EPB41L1: variants seen among roughly 807,000 people sequenced by gnomAD.
EPB41L1 encodes band 4.1-like protein 1.
A neutral mutation model predicts 97.8 loss-of-function variants in EPB41L1; 29 were observed. The ratio of observed to expected loss-of-function variants is 0.30; its 90% CI spans 0.22 to 0.40. The LOEUF is 0.40. Among genes scored for constraint, EPB41L1 ranks in the 10% least tolerant of loss-of-function variants. The probability of loss-of-function intolerance (pLI) is 1.00; values close to 1 mark genes in which losing one functional copy is unlikely to be tolerated. For missense variants in EPB41L1, 812 were observed against 1,162.3 expected (o/e 0.70, Z 4.38); for synonymous variants, 383 against 459.2 (o/e 0.83, Z 2.12).
chr20:36,180,091 C>G (rs1034388045), intron 5 of EPB41L1, among the ~76,000 whole-genome samples: 2 of 152,168 alleles, frequency 1.3e-5, no homozygotes, highest in Admixed American at 6.5e-5. Context: ...CCAGCACAGC[C>G]CAGGCCTGGT....
chr20:36,218,780 C>A, intron 17 of EPB41L1, 96 bp from the exon 18 acceptor site: 2 of 1,090,238 alleles, frequency 1.8e-6, no homozygotes, highest in South Asian at 1.3e-5. Context: ...TTCTACTCAA[C>A]CTTGTGGTCG....
intron 12 of EPB41L1, among the ~76,000 whole-genome samples, chr20:36,194,865 A>G (rs2062118077): frequency 6.6e-6 from 1 of 152,056 alleles, no homozygotes; most frequent in Admixed American, 6.5e-5. Flanking sequence ...CTCACTTAAT[A>G]ACAGATGTAT....
intron 17 of EPB41L1, among the ~76,000 whole-genome samples, chr20:36,215,238 C>T (rs540047692): frequency 6.6e-6 from 1 of 151,948 alleles, no homozygotes; most frequent in Admixed American, 6.6e-5. Flanking sequence ...AAGCGACTTA[C>T]CCAAGGTCAC....
Position 36,143,934 on chromosome 20 carries a change from C to T in EPB41L1, c.-10+31454C>T, listed in dbSNP as rs768042757. On this transcript the variant is annotated intron_variant, in intron 2 of 19. Transcript: ENST00000202028. The stretch of plus-strand genomic sequence containing the variant: ...GTGGCGCGATTTTGGCTCACTGCAA[C>T]CTCTGCCTCCCGGGTTCAAGTGATT... Among the ~76,000 whole-genome samples, 59 of 151,834 alleles carry T rather than the reference C, an allele frequency of 3.9e-4. 1 individual carries two copies. The highest frequency in any genetic ancestry group is 2.7e-3 in the South Asian group (13 of 4,806).
chr20:36,210,320 G>A (rs904889732), intron 15 of EPB41L1, among the ~76,000 whole-genome samples: 6 of 152,080 alleles, frequency 3.9e-5, no homozygotes, highest in African/African-American at 1.4e-4. Flanking sequence ...CGGGGAAGGG[G>A]AAGCAGTTTA....
chr20:36,109,488 C>T (rs1021260398), intron 1 of EPB41L1, among the ~76,000 whole-genome samples: 5 of 152,212 alleles, frequency 3.3e-5, no homozygotes, highest in African/African-American at 1.2e-4. Flanking sequence ...ATTGCTACTA[C>T]TGTTAGTGCG....
chr20:36,139,051 C>A (rs75653149), intron 2 of EPB41L1, among the ~76,000 whole-genome samples: 6,299 of 152,318 alleles, frequency 0.041, 189 homozygotes, highest in Non-Finnish European at 0.071. Flanking sequence ...CTGCCTGTCT[C>A]CCAGTGACTG....
chr20:36,160,345 A>G (rs562843189), intron 1 of EPB41L1, among the ~76,000 whole-genome samples: 40 of 152,356 alleles, frequency 2.6e-4, no homozygotes, highest in Admixed American at 2.5e-3. Context: ...GCACTCTGGG[A>G]GGCTGAGGCG....
intron 2 of EPB41L1, among the ~76,000 whole-genome samples, chr20:36,140,204 G>A (rs190695169): frequency 3.3e-5 from 5 of 150,742 alleles, no homozygotes; most frequent in African/African-American, 4.9e-5. Flanking sequence ...ACAGGTGCGC[G>A]CCACCACACC....
At chr20:36,211,071 T>A (rs2063102852) in intron 15 of EPB41L1, among the ~76,000 whole-genome samples, 1 of 151,932 alleles carries the variant, frequency 6.6e-6, no homozygotes, top group South Asian at 2.1e-4. Flanking sequence ...AGACCTTGTC[T>A]CTTAAAAACA....
At chr20:36,134,052 A>G (rs898063766) in intron 2 of EPB41L1, among the ~76,000 whole-genome samples, 4 of 152,144 alleles carry the variant, frequency 2.6e-5, no homozygotes, top group African/African-American at 9.7e-5. Flanking sequence ...ACTGTAGCCT[A>G]TGCTCTTAGC....
At chr20:36,124,451 A>G (rs1316276009) in intron 2 of EPB41L1, among the ~76,000 whole-genome samples, 2 of 152,076 alleles carry the variant, frequency 1.3e-5, no homozygotes, top group African/African-American at 4.8e-5. Flanking sequence ...AAATTATTCT[A>G]TTGGTCATTT....
At position 36,190,756 on chromosome 20, in the gene EPB41L1, C is replaced by T; in HGVS notation, c.1259C>T (p.Ser420Phe). The T allele has an allele frequency of 1.2e-6, 2 of 1,614,190 alleles. No individual in the cohort carries two copies. Among genetic ancestry groups the T allele is most frequent in the Non-Finnish European group, 1.7e-6 (2 of 1,180,034 alleles). Reference sequence around the variant, plus strand: ...CGGCCTGCACCCTTCTTTGAGCGTTCTTCCAGCAAACGGTACACCATGTCC... The same window carrying T: ...CGGCCTGCACCCTTCTTTGAGCGTTTTTCCAGCAAACGGTACACCATGTCC... ...IDRPAPFFER[S>F]SSKRYTMSRS... The change falls in exon 11 of 22, where the codon TCT becomes TTT. Residue 420 changes from serine to phenylalanine, a missense_variant. Ser to Phe is a radical substitution (Grantham distance 155). Transcript: ENST00000338074. This position sits in a 1 kb window ranked among gnomAD's most constrained non-coding sequence, Gnocchi z 5.8.
At chr20:36,174,268 C>CT (rs529351350) in intron 2 of EPB41L1, among the ~76,000 whole-genome samples, 112 of 143,624 alleles carry the variant, frequency 7.8e-4, no homozygotes, top group African/African-American at 1.6e-3. Context: ...TTTTAACTTT[C>CT]TTTTTTTTTT....
intron 21 of EPB41L1, among the ~76,000 whole-genome samples, chr20:36,226,188 A>G (rs1476271275): frequency 6.6e-6 from 1 of 152,198 alleles, no homozygotes; most frequent in East Asian, 1.9e-4. Flanking sequence ...CATTGGCTTA[A>G]TGGATGGATG....
In EPB41L1 at chr20:36,232,563, C is replaced by T. The variant is rs2064536854; in HGVS notation, c.*3223C>T. ...GACCTGTTTCAGTTTTTGAATCCTGCAAGCACATTCCAAGACTGGCCTGAA... is the reference window on the plus strand; with the variant it reads ...GACCTGTTTCAGTTTTTGAATCCTGTAAGCACATTCCAAGACTGGCCTGAA... On this transcript the variant is annotated 3_prime_UTR_variant, in exon 22 of 22. Transcript: ENST00000338074. The T allele has an allele frequency of 2.5e-6, 1 of 399,030 alleles. No homozygotes were observed. Among genetic ancestry groups the T allele is most frequent in the African/African-American group, 2.1e-5 (1 of 48,746 alleles). The allele number at this position is 399,030 out of a possible 1,614,324, so 24.7% of individuals were successfully genotyped here. A position where few individuals can be genotyped will look rare whatever the true frequency, so the allele number is the denominator to read the frequency against.
chr20:36,175,807 C>A, intron 3 of EPB41L1, 92 bp downstream of exon 3: 2 of 1,366,630 alleles, frequency 1.5e-6, no homozygotes, highest in Non-Finnish European at 2.1e-6. Flanking sequence ...TTGGGCCAAA[C>A]CAGAGGAGTC....
chr20:36,108,153 T>C (rs955726204), intron 1 of EPB41L1, among the ~76,000 whole-genome samples: 5 of 151,800 alleles, frequency 3.3e-5, no homozygotes, highest in Non-Finnish European at 7.4e-5. Flanking sequence ...TAAATTTTTT[T>C]ATTTTTTGTA....
rs1037394725 is a variant in EPB41L1 at position 36,229,403 on chromosome 20, C to A, written c.*63C>A. On this transcript the variant is annotated 3_prime_UTR_variant, in exon 22 of 22. Coordinates refer to ENST00000338074, the MANE Select transcript of EPB41L1 (RefSeq NM_012156.2). ...AAGCCAGAGAACCATTAAGAAGGGG[C>A]CTTCATTCTGGATTCTCCGACGCAA... The A allele has an allele frequency of 4.5e-6, 7 of 1,567,286 alleles. No homozygotes were observed. The East Asian group carries it at 1.1e-4, about 25-fold the overall frequency.
Sources: gnomAD v4.1 joint callset for allele counts (sites outside exome capture counted in the v4.1 genomes callset) on GRCh38, gnomAD v4.1.1 for gene constraint, Gnocchi (gnomAD v3.1) non-coding constraint, MANE v1.5 for transcripts, NCBI Gene and HGNC (gene_info 2026-07-23, HGNC 2026-07-21) for gene names.